SCRG1: variants seen among roughly 807,000 people sequenced by gnomAD.
SCRG1 encodes the protein scrapie-responsive protein 1.
Under a neutral mutation model 7.7 loss-of-function variants are expected in SCRG1, and 3 were observed. That is an observed-to-expected ratio of 0.39 (90% CI 0.18 to 1.01). The LOEUF is 1.01. SCRG1 is among the 50% of genes least tolerant of loss of function. SCRG1 has a pLI of 0.36. For synonymous variants in SCRG1, 46 were observed against 41.2 expected, an observed-to-expected ratio of 1.12 and a Z score of -0.44; for missense variants, 110 against 117.2, an observed-to-expected ratio of 0.94 and a Z score of 0.28.
rs187887716 is a variant in SCRG1 at position 173,388,920 on chromosome 4, G to A, written c.243-525C>T. On this transcript the variant is annotated intron_variant, in intron 2 of 2. Transcript: ENST00000296506. ...GTGATATTATAATTATGGCTTATTA[G>A]AAATATACTTAGCAGTATTTCTCTT... Among the ~76,000 whole-genome samples, 8 of 152,238 alleles carry A rather than the reference G, an allele frequency of 5.3e-5. No individual in the cohort carries two copies. In the East Asian group the frequency reaches 1.4e-3, roughly 26 times the overall value.
chr4:173,517,079 C>T, the SCRG1 span, among the ~76,000 whole-genome samples: 4 of 152,222 alleles, frequency 2.6e-5, no homozygotes, highest in African/African-American at 9.6e-5. Flanking sequence ...GACCACGAGG[C>T]TCCCGGCGCC....
the SCRG1 span, among the ~76,000 whole-genome samples, chr4:173,507,764 G>A: frequency 6.6e-6 from 1 of 152,206 alleles, no homozygotes; most frequent in Non-Finnish European, 1.5e-5. This position sits in a 1 kb window ranked among gnomAD's most constrained non-coding sequence, Gnocchi z 4.4. Flanking sequence ...CAGACCCTCC[G>A]GAGCAGTTGC....
chr4:173,426,580 A>G, the SCRG1 span, among the ~76,000 whole-genome samples: 2 of 152,168 alleles, frequency 1.3e-5, no homozygotes, highest in African/African-American at 4.8e-5. Context: ...CTCCCATCTC[A>G]GCCTGTCTAG....
chr4:173,399,014 T>A (rs1169948754), intron 1 of SCRG1, 54 bp downstream of exon 1: 3 of 152,248 alleles, frequency 2.0e-5, no homozygotes, highest in Admixed American at 2.0e-4. Flanking sequence ...ACAGTAATAC[T>A]TTGGAGTAGA....
chr4:173,433,413 G>A, the SCRG1 span, among the ~76,000 whole-genome samples: 1 of 152,214 alleles, frequency 6.6e-6, no homozygotes, highest in African/African-American at 2.4e-5. Context: ...TTTTAAGCTT[G>A]TTGTGTTTAC....
intron 2 of SCRG1, among the ~76,000 whole-genome samples, chr4:173,390,709 G>A (rs976168809): frequency 6.6e-6 from 1 of 151,980 alleles, no homozygotes; most frequent in Non-Finnish European, 1.5e-5. Context: ...AGTTGATCTC[G>A]AACTCCTGAC....
chr4:173,446,663 G>A, the SCRG1 span: 2 of 152,166 alleles, frequency 1.3e-5, no homozygotes, highest in Non-Finnish European at 2.9e-5. Flanking sequence ...CTGCTTGTCT[G>A]CGTCATTCCA....
upstream of SCRG1, chr4:173,406,467 C>T (rs7655786): frequency 0.5 from 75,442 of 151,990 alleles, 19,316 homozygotes; most frequent in Non-Finnish European, 0.56. Context: ...TGTCCAACCT[C>T]CTAAATAATT....
the SCRG1 span, among the ~76,000 whole-genome samples, chr4:173,437,904 T>C: frequency 6.6e-6 from 1 of 152,174 alleles, no homozygotes; most frequent in South Asian, 2.1e-4. Context: ...CGGTTTCAAA[T>C]ATCACACTGA....
At chr4:173,518,834 G>T in the SCRG1 span, among the ~76,000 whole-genome samples, 1 of 152,106 alleles carries the variant, frequency 6.6e-6, no homozygotes, top group African/African-American at 2.4e-5. Context: ...TTCCGCCTTT[G>T]TGTCCGCCCC....
At chr4:173,474,335 T>G in the SCRG1 span, among the ~76,000 whole-genome samples, 4 of 152,346 alleles carry the variant, frequency 2.6e-5, no homozygotes, top group East Asian at 7.7e-4. Context: ...GAGAAAATTA[T>G]TTCAATTTAA....
chr4:173,504,873 C>A, the SCRG1 span, among the ~76,000 whole-genome samples: 4 of 152,166 alleles, frequency 2.6e-5, no homozygotes, highest in African/African-American at 9.7e-5. This position sits in a 1 kb window ranked among gnomAD's most constrained non-coding sequence, Gnocchi z 4.7. Context: ...CTAGCCACAG[C>A]TAGCAGCAGA....
rs1739282881 is a variant in SCRG1, at chr4:173,387,735, C to G, written c.*606G>C. 1 of 104,540 alleles carries G rather than the reference C, an allele frequency of 9.6e-6. No homozygotes were observed. The highest frequency in any genetic ancestry group is 1.8e-5 in the Non-Finnish European group (1 of 56,240). The allele number at this position is 104,540 out of a possible 1,614,324, so 6.5% of individuals were successfully genotyped here. A position where few individuals can be genotyped will look rare whatever the true frequency, so the allele number is the denominator to read the frequency against. ...TTTTTTTTTTTTTTTTTTTTCGAGACAGGGTCTTGCTCTGTCACCCAGGCT... is the reference window on the plus strand; with the variant it reads ...TTTTTTTTTTTTTTTTTTTTCGAGAGAGGGTCTTGCTCTGTCACCCAGGCT... On this transcript the variant is annotated 3_prime_UTR_variant, in exon 3 of 3. Coordinates refer to ENST00000296506, the MANE Select transcript of SCRG1 (RefSeq NM_007281.4).
At chr4:173,506,942 G>A in the SCRG1 span, among the ~76,000 whole-genome samples, 1 of 152,156 alleles carries the variant, frequency 6.6e-6, no homozygotes, top group Non-Finnish European at 1.5e-5. This position sits in a 1 kb window ranked among gnomAD's most constrained non-coding sequence, Gnocchi z 5.3. Flanking sequence ...TCCGCTCGCC[G>A]TCATCAAGCC....
the SCRG1 span, among the ~76,000 whole-genome samples, chr4:173,456,616 A>T: frequency 6.6e-6 from 1 of 152,170 alleles, no homozygotes. Context: ...TTATTTGAAA[A>T]CATCTCCTGT....
chr4:173,489,751 C>G, the SCRG1 span, among the ~76,000 whole-genome samples: 1 of 152,090 alleles, frequency 6.6e-6, no homozygotes, highest in Non-Finnish European at 1.5e-5. Context: ...ATGCTGTTTG[C>G]TTAAGAAAGA....
At chr4:173,447,416 T>C in the SCRG1 span, among the ~76,000 whole-genome samples, 1 of 152,192 alleles carries the variant, frequency 6.6e-6, no homozygotes, top group Admixed American at 6.5e-5. Flanking sequence ...CATCGCAGCT[T>C]CCCAATACTT....
upstream of SCRG1, chr4:173,399,465 A>AGTGTGTGAGTGTGTGTGT (rs1553964796): frequency 4.8e-5 from 4 of 84,154 alleles, 1 homozygote; most frequent in Non-Finnish European, 1.1e-4. Context: ...CCTTAAGAAA[A>AGTGTGTGAGTGTGTGTGT]GTGTGTGTGT....
chr4:173,498,706 A>C, the SCRG1 span, among the ~76,000 whole-genome samples: 1,827 of 152,304 alleles, frequency 0.012, 26 homozygotes, highest in African/African-American at 0.033. Flanking sequence ...ACCTAGATTA[A>C]AAATTAATAA....
Sources: gnomAD v4.1 joint callset for allele counts (sites outside exome capture counted in the v4.1 genomes callset) on GRCh38, gnomAD v4.1.1 for gene constraint, Gnocchi (gnomAD v3.1) non-coding constraint, MANE v1.5 for transcripts, NCBI Gene and HGNC (gene_info 2026-07-23, HGNC 2026-07-21) for gene names.